Variants in SBF2 observed in about 807,000 individuals in gnomAD.
SBF2 encodes the protein SET binding factor 2, also known as myotubularin-related protein 13.
A neutral mutation model predicts 225.2 loss-of-function variants in SBF2; 112 were observed. The ratio of observed to expected loss-of-function variants is 0.50; its 90% CI spans 0.43 to 0.58. SBF2 has a LOEUF of 0.58. Ranked by LOEUF, SBF2 falls within the 20% of genes least tolerant of loss-of-function variation. The pLI is 0.00. For synonymous variants in SBF2, 763 were observed against 773.3 expected (o/e 0.99, Z 0.22); for missense variants, 1,996 against 2,206.2 (o/e 0.90, Z 1.91).
chr11:9,788,964 TG>T, intron 35 of SBF2, 144 bp downstream of exon 35: 1 of 713,208 alleles, frequency 1.4e-6, no homozygotes, highest in Non-Finnish European at 2.5e-6. Context: ...CCACTGATGA[TG>T]GGGAGCAAAT....
intron 28 of SBF2, among the ~76,000 whole-genome samples, chr11:9,825,351 C>T (rs1429383813): frequency 6.6e-6 from 1 of 152,232 alleles, no homozygotes; most frequent in Non-Finnish European, 1.5e-5. Flanking sequence ...TTCCTCCTCA[C>T]AGCCCTCAGA....
rs71034757 is a variant in SBF2, at chr11:10,254,900, C to CAAAAAAA, written c.55+39108_55+39114dup. Among the ~76,000 whole-genome samples the CAAAAAAA allele has an allele frequency of 1.9e-3, 82 of 44,070 alleles. 8 individuals are homozygous for CAAAAAAA. The highest frequency in any genetic ancestry group is 4.5e-3 in the African/African-American group (48 of 10,552). 28.9% of individuals were successfully genotyped at this position (44,070 alleles called of 152,430 possible). A position where few individuals can be genotyped will look rare whatever the true frequency, so the allele number is the denominator to read the frequency against. On this transcript the variant is annotated intron_variant, in intron 1 of 39. Transcript: ENST00000256190. ...TGGGTGACAGAGTGAGACTCTGTCT[C>CAAAAAAA]AAAAAAAAAAAAAAAAAAAAAAAAA...
upstream of SBF2, among the ~76,000 whole-genome samples, chr11:10,299,137 G>A (rs1212311537): frequency 2.0e-5 from 3 of 152,074 alleles, no homozygotes; most frequent in Non-Finnish European, 4.4e-5. Flanking sequence ...AGCAGATCGA[G>A]ATCATCCTGG....
At chr11:10,224,468 T>C (rs1444632786) in intron 1 of SBF2, among the ~76,000 whole-genome samples, 1 of 152,156 alleles carries the variant, frequency 6.6e-6, no homozygotes, top group Non-Finnish European at 1.5e-5. Context: ...AAATCTAAGC[T>C]CCTTACTAAG....
intron 5 of SBF2, among the ~76,000 whole-genome samples, chr11:10,028,926 TAGA>T (rs1278713045): frequency 6.6e-6 from 1 of 151,834 alleles, no homozygotes; most frequent in Non-Finnish European, 1.5e-5. Flanking sequence ...TGAGCAGAGG[TAGA>T]AGAATGAAGG....
At chr11:10,006,836 G>A (rs543797330) in intron 6 of SBF2, among the ~76,000 whole-genome samples, 2 of 152,262 alleles carry the variant, frequency 1.3e-5, no homozygotes, top group African/African-American at 2.4e-5. Flanking sequence ...GCAGCAGTTA[G>A]CTGAAAATCA....
chr11:9,943,837 C>A (rs1196083527), intron 16 of SBF2, among the ~76,000 whole-genome samples: 2 of 152,142 alleles, frequency 1.3e-5, no homozygotes, highest in South Asian at 2.1e-4. Flanking sequence ...TCTAACACAG[C>A]TGAAGTTGCA....
At chr11:9,969,334 C>A (rs927526403) in intron 13 of SBF2, among the ~76,000 whole-genome samples, 3 of 152,206 alleles carry the variant, frequency 2.0e-5, no homozygotes, top group Non-Finnish European at 4.4e-5. Flanking sequence ...CACCTGTACT[C>A]CTTCATTCAA....
chr11:10,111,745 C>G (rs775468873), intron 2 of SBF2, among the ~76,000 whole-genome samples: 2 of 152,140 alleles, frequency 1.3e-5, no homozygotes, highest in African/African-American at 4.8e-5. Context: ...GGCGCGGTGG[C>G]GCACGCCTGT....
intron 2 of SBF2, among the ~76,000 whole-genome samples, chr11:10,138,418 G>T (rs1249922829): frequency 6.6e-6 from 1 of 151,956 alleles, no homozygotes; most frequent in East Asian, 1.9e-4. Context: ...AGAGCCAACT[G>T]TGTGTTTCAT....
intron 2 of SBF2, among the ~76,000 whole-genome samples, chr11:10,159,591 C>T (rs1393105747): frequency 6.6e-6 from 1 of 152,154 alleles, no homozygotes; most frequent in African/African-American, 2.4e-5. Context: ...TGGCTTCCCC[C>T]TAAGTTATCC....
chr11:9,987,558 G>T (rs181623570), intron 13 of SBF2, among the ~76,000 whole-genome samples: 2 of 152,062 alleles, frequency 1.3e-5, no homozygotes, highest in Non-Finnish European at 2.9e-5. Flanking sequence ...ACTGATAAAA[G>T]AATTCAGCAA....
At chr11:9,970,337 G>A (rs1159111765) in intron 13 of SBF2, among the ~76,000 whole-genome samples, 1 of 151,960 alleles carries the variant, frequency 6.6e-6, no homozygotes, top group African/African-American at 2.4e-5. Context: ...CTCCCGAGGA[G>A]CTGGGACAAC....
intron 13 of SBF2, among the ~76,000 whole-genome samples, chr11:9,976,026 CA>C (rs1946661777): frequency 6.6e-6 from 1 of 150,602 alleles, no homozygotes; most frequent in South Asian, 2.1e-4. Flanking sequence ...ATGAAATATC[CA>C]TAAGGCACAA....
intron 16 of SBF2, among the ~76,000 whole-genome samples, chr11:9,927,378 C>A (rs1014740308): frequency 6.6e-6 from 1 of 152,126 alleles, no homozygotes; most frequent in African/African-American, 2.4e-5. Flanking sequence ...CACTTCCCAA[C>A]TGATTTTATG....
chr11:10,210,735 A>AG (rs1398896266), intron 1 of SBF2, among the ~76,000 whole-genome samples: 1 of 151,436 alleles, frequency 6.6e-6, no homozygotes, highest in African/African-American at 2.4e-5. Context: ...TCTTGTGGCC[A>AG]GGCGCGGTGG....
chr11:9,971,534 C>T (rs1046091484), intron 13 of SBF2, among the ~76,000 whole-genome samples: 2 of 151,968 alleles, frequency 1.3e-5, no homozygotes, highest in Non-Finnish European at 2.9e-5. Context: ...AAAAAATTAG[C>T]CAGGCATGGT....
intron 1 of SBF2, among the ~76,000 whole-genome samples, chr11:10,236,434 G>C (rs1427434743): frequency 6.6e-6 from 1 of 152,144 alleles, no homozygotes; most frequent in Non-Finnish European, 1.5e-5. Context: ...CTGTACTCCA[G>C]CCTAGACAAC....
intron 1 of SBF2, among the ~76,000 whole-genome samples, chr11:10,239,398 A>C (rs572721522): frequency 6.6e-6 from 1 of 150,796 alleles, no homozygotes; most frequent in East Asian, 1.9e-4. Context: ...TTAAAAACTA[A>C]ATTTCAATAA....
Sources: allele counts gnomAD v4.1 joint callset (sites outside exome capture counted in the v4.1 genomes callset), GRCh38; gene constraint gnomAD v4.1.1; transcripts MANE v1.5; gene names NCBI Gene and HGNC (gene_info 2026-07-23, HGNC 2026-07-21).